CDC42BPA: variants seen among roughly 807,000 people sequenced by gnomAD.
CDC42BPA encodes the protein CDC42 binding protein kinase alpha.
A neutral mutation model predicts 223.5 loss-of-function variants in CDC42BPA; 80 were observed. The observed-to-expected ratio is 0.36, with a 90% CI of 0.30 to 0.43. The LOEUF is 0.43. Ranked by LOEUF, CDC42BPA falls within the 20% of genes least tolerant of loss-of-function variation. The pLI, the probability that CDC42BPA is intolerant of heterozygous loss-of-function variation, is 1.00. For synonymous variants in CDC42BPA, 694 were observed against 718.6 expected (o/e 0.97, Z 0.55); for missense variants, 1,743 against 2,099.9 (o/e 0.83, Z 3.32).
intron 2 of CDC42BPA, among the ~76,000 whole-genome samples, chr1:227,240,228 A>C (rs757413402): frequency 3.3e-5 from 5 of 152,076 alleles, no homozygotes; most frequent in Non-Finnish European, 5.9e-5. Context: ...AATATGAAGA[A>C]GACCTATACA....
Position 227,079,927 on chromosome 1 carries a change from A to C in CDC42BPA, c.2480+966T>G, listed in dbSNP as rs1328272730. Among the ~76,000 whole-genome samples the C allele has an allele frequency of 2.1e-5, 3 of 140,750 alleles. No homozygotes were observed. The South Asian group carries it at 6.4e-4, about 30-fold the overall frequency. 92.3% of individuals were successfully genotyped at this position (140,750 alleles called of 152,430 possible). A position where few individuals can be genotyped will look rare whatever the true frequency, so the allele number is the denominator to read the frequency against. ...GATTATCTTGGGGATGGGACCCAAGACAAAACACAAAATTTGTGTTTTATA... is the reference window on the plus strand; with the variant it reads ...GATTATCTTGGGGATGGGACCCAAGCCAAAACACAAAATTTGTGTTTTATA... On this transcript the variant is annotated intron_variant, in intron 17 of 36. Coordinates refer to ENST00000366766, the MANE Select transcript of CDC42BPA (RefSeq NM_001394014.1).
Position 227,060,842 on chromosome 1 carries a change from C to T in CDC42BPA, c.2905-8857G>A, listed in dbSNP as rs182038185. Among the ~76,000 whole-genome samples the T allele has an allele frequency of 1.3e-3, 191 of 150,428 alleles. 1 individual carries two copies. The highest frequency in any genetic ancestry group is 2.1e-3 in the Non-Finnish European group (143 of 67,724). The stretch of plus-strand genomic sequence containing the variant: ...GTTCAAGTGATTCTCCTCCCTCAGA[C>T]TCCCGAGTAGCTGTGATTACAAGTG... On this transcript the variant is annotated intron_variant, in intron 21 of 36. Coordinates refer to ENST00000366766, the MANE Select transcript of CDC42BPA (RefSeq NM_001394014.1).
chr1:227,298,248 C>A (rs1282485693), intron 1 of CDC42BPA, among the ~76,000 whole-genome samples: 11 of 151,640 alleles, frequency 7.3e-5, no homozygotes, highest in Non-Finnish European at 1.0e-4. Context: ...ACAGTTAAAG[C>A]ACATCCAAGA....
chr1:227,062,292 T>C (rs565314787), intron 21 of CDC42BPA, among the ~76,000 whole-genome samples: 3 of 152,322 alleles, frequency 2.0e-5, no homozygotes, highest in South Asian at 4.1e-4. Flanking sequence ...ACTCCTCTTA[T>C]GTAGTTGTTT....
chr1:227,296,410 T>C (rs535759990), intron 1 of CDC42BPA, among the ~76,000 whole-genome samples: 1 of 152,032 alleles, frequency 6.6e-6, no homozygotes, highest in Admixed American at 6.6e-5. Context: ...CACAAAACTT[T>C]TGGGAAAAAA....
chr1:227,161,467 T>G lies in CDC42BPA; in HGVS notation c.600-831A>C, dbSNP rs539168895. On this transcript the variant is annotated intron_variant, in intron 5 of 36. Coordinates refer to ENST00000366766, the MANE Select transcript of CDC42BPA (RefSeq NM_001394014.1). The stretch of plus-strand genomic sequence containing the variant: ...TATTTTTTAAAAAATTACATTGCCA[T>G]GTAAATTACAGGAATATGGGAGGGC... 2.0e-5 allele frequency among the ~76,000 whole-genome samples: 3 copies of G among 152,304 alleles called. No homozygotes were observed. In the East Asian group the frequency reaches 5.8e-4, roughly 29 times the overall value.
chr1:227,105,873 T>G (rs1228896771), intron 14 of CDC42BPA, among the ~76,000 whole-genome samples: 1 of 152,186 alleles, frequency 6.6e-6, no homozygotes, highest in Admixed American at 6.5e-5. Flanking sequence ...TTTCCACCTT[T>G]TGGCTACTGC....
At chr1:227,123,585 T>C (rs559749923) in intron 11 of CDC42BPA, among the ~76,000 whole-genome samples, 1 of 152,262 alleles carries the variant, frequency 6.6e-6, no homozygotes, top group South Asian at 2.1e-4. Context: ...GTATGTGCTA[T>C]AGGAATTGAG....
chr1:227,211,384 C>T (rs1673865730), intron 3 of CDC42BPA, among the ~76,000 whole-genome samples: 1 of 152,032 alleles, frequency 6.6e-6, no homozygotes, highest in Admixed American at 6.6e-5. Flanking sequence ...TTCCATCCAG[C>T]AATCCCACTA....
intron 8 of CDC42BPA, among the ~76,000 whole-genome samples, chr1:227,143,521 C>G (rs1323384707): frequency 2.0e-5 from 3 of 152,100 alleles, no homozygotes; most frequent in Non-Finnish European, 1.5e-5. Flanking sequence ...CATTTTTGGG[C>G]CCTCTGTATG....
chr1:227,131,146 C>CA (rs35612828), intron 10 of CDC42BPA, among the ~76,000 whole-genome samples: 19,620 of 152,088 alleles, frequency 0.13, 1,343 homozygotes, highest in East Asian at 0.26. Flanking sequence ...ACTTTAACAT[C>CA]AAAATAGATA....
chr1:227,042,876 G>T (rs1558357845), intron 23 of CDC42BPA, among the ~76,000 whole-genome samples: 1 of 152,250 alleles, frequency 6.6e-6, no homozygotes, highest in South Asian at 2.1e-4. Context: ...TCAAAGTGGT[G>T]ATTAGAAAGA....
At position 226,990,075 on chromosome 1, in the gene CDC42BPA, A is replaced by G. The variant is rs1173453656; in HGVS notation, c.*4193T>C. 3 of 152,518 alleles carry G rather than the reference A, an allele frequency of 2.0e-5. No individual in the cohort carries two copies. Among genetic ancestry groups the G allele is most frequent in the Non-Finnish European group, 4.4e-5 (3 of 68,046 alleles). The allele number at this position is 152,518 out of a possible 1,614,324, so 9.4% of individuals were successfully genotyped here. On this transcript the variant is annotated 3_prime_UTR_variant, in exon 37 of 37. Transcript: ENST00000366766. ...AGGGCATAAAACCAAACAAAATAAA[A>G]TAAGGAGTGATAGGCTAAAGCAGTA...
intron 4 of CDC42BPA, among the ~76,000 whole-genome samples, chr1:227,199,143 G>A (rs766347641): frequency 2.0e-5 from 3 of 152,158 alleles, no homozygotes; most frequent in Non-Finnish European, 4.4e-5. Context: ...GTTAGAATGA[G>A]ATGAGAAAGA....
intron 16 of CDC42BPA, among the ~76,000 whole-genome samples, chr1:227,087,072 T>C (rs1483013080): frequency 2.0e-5 from 3 of 152,230 alleles, no homozygotes; most frequent in Admixed American, 1.3e-4. Context: ...TTTCTTAATG[T>C]TCTTTTTAAA....
At chr1:227,009,107 T>C (rs929596606) in intron 34 of CDC42BPA, among the ~76,000 whole-genome samples, 8 of 152,160 alleles carry the variant, frequency 5.3e-5, no homozygotes, top group Admixed American at 3.3e-4. Context: ...TATCCTAGAA[T>C]AAATAGCAAA....
chr1:227,198,545 A>T (rs181372946), intron 4 of CDC42BPA, among the ~76,000 whole-genome samples: 46 of 152,132 alleles, frequency 3.0e-4, no homozygotes, highest in African/African-American at 1.0e-3. Flanking sequence ...AGTTTAAAAA[A>T]ACATTATTAT....
rs569507540 is a variant in CDC42BPA, at chr1:227,318,086, G to A, written c.-904C>T. On this transcript the variant is annotated 5_prime_UTR_variant, in exon 1 of 37. Transcript: ENST00000366766. ...GGCCGAGCCGCGCCGCGCCGCGCCGGGCAGAGAGCCCGGTCTCCCCGACAC... is the reference window on the plus strand; with the variant it reads ...GGCCGAGCCGCGCCGCGCCGCGCCGAGCAGAGAGCCCGGTCTCCCCGACAC... The A allele has an allele frequency of 4.0e-6, 1 of 247,722 alleles. No individual in the cohort carries two copies. The highest frequency in any genetic ancestry group is 1.9e-4 in the South Asian group (1 of 5,356). The allele number at this position is 247,722 out of a possible 1,614,324, so 15.3% of individuals were successfully genotyped here.
intron 17 of CDC42BPA, among the ~76,000 whole-genome samples, chr1:227,074,832 A>G (rs893655317): frequency 6.6e-6 from 1 of 152,210 alleles, no homozygotes; most frequent in Admixed American, 6.5e-5. Flanking sequence ...GTTATATTGT[A>G]ATTAAGCTCT....
Sources: gnomAD v4.1 joint callset for allele counts (sites outside exome capture counted in the v4.1 genomes callset) on GRCh38, gnomAD v4.1.1 for gene constraint, MANE v1.5 for transcripts, NCBI Gene and HGNC (gene_info 2026-07-23, HGNC 2026-07-21) for gene names.